AMPH: variants seen among roughly 807,000 people sequenced by gnomAD.
AMPH encodes the protein amphiphysin, also known as amphiphysin (Stiff-Mann syndrome with breast cancer 128kD autoantigen).
In AMPH, 49 loss-of-function variants were observed where a neutral mutation model predicts 99.1. The observed-to-expected ratio is 0.49, with a 90% CI of 0.39 to 0.63. The LOEUF (loss-of-function observed/expected upper bound fraction) is 0.63. Among genes scored for constraint, AMPH ranks in the 20% least tolerant of loss-of-function variants. The pLI, the probability that AMPH is intolerant of heterozygous loss-of-function variation, is 0.00. For missense variants in AMPH, 759 were observed against 863.4 expected (o/e 0.88, Z 1.52); for synonymous variants, 314 against 317.3 (o/e 0.99, Z 0.11).
At chr7:38,492,614 T>G (rs1788763883) in intron 4 of AMPH, among the ~76,000 whole-genome samples, 3 of 152,234 alleles carry the variant, frequency 2.0e-5, no homozygotes. Context: ...AAGGCTCAAC[T>G]GCTGACGTGA....
intron 17 of AMPH, among the ~76,000 whole-genome samples, chr7:38,394,949 A>G (rs1784625783): frequency 1.3e-5 from 2 of 152,200 alleles, no homozygotes; most frequent in Admixed American, 6.5e-5. Flanking sequence ...GAAAAAGCAC[A>G]CGTCACAGAT....
At chr7:38,390,961 CAG>C (rs199667568) in intron 19 of AMPH, among the ~76,000 whole-genome samples, 2,488 of 128,820 alleles carry the variant, frequency 0.019, 22 homozygotes, top group East Asian at 0.066. Flanking sequence ...GAGACAAAGA[CAG>C]AGAGAGAGAG....
intron 1 of AMPH, among the ~76,000 whole-genome samples, chr7:38,581,555 A>T (rs1265129591): frequency 6.6e-6 from 1 of 152,102 alleles, no homozygotes; most frequent in African/African-American, 2.4e-5. Context: ...AGTGACATGA[A>T]AAGTTGCTGA....
intron 16 of AMPH, 137 bp downstream of exon 16, chr7:38,422,284 T>C: frequency 1.4e-6 from 1 of 701,260 alleles, no homozygotes; most frequent in East Asian, 2.7e-5. Context: ...ACACATTCTC[T>C]CCTGTTTTCT....
intron 2 of AMPH, among the ~76,000 whole-genome samples, chr7:38,532,701 C>T (rs1394941095): frequency 1.4e-5 from 2 of 144,728 alleles, no homozygotes; most frequent in Non-Finnish European, 3.0e-5. Context: ...GTACCTTCAA[C>T]AAAAAACAAT....
chr7:38,407,070 ATATATATGTGTGTG>A (rs1303733411), intron 17 of AMPH, among the ~76,000 whole-genome samples: 1 of 30,274 alleles, frequency 3.3e-5, no homozygotes, highest in African/African-American at 1.1e-4. Flanking sequence ...ATATATATAT[ATATATATGTGTGTG>A]TGTGTGTGTG....
intron 1 of AMPH, among the ~76,000 whole-genome samples, chr7:38,557,928 C>T (rs530752951): frequency 2.6e-5 from 4 of 151,634 alleles, no homozygotes; most frequent in Admixed American, 6.6e-5. Flanking sequence ...TGGTGGCACA[C>T]GCTGTGACCC....
At chr7:38,475,814 C>T (rs1011211810) in intron 6 of AMPH, among the ~76,000 whole-genome samples, 4 of 152,068 alleles carry the variant, frequency 2.6e-5, no homozygotes, top group Admixed American at 1.3e-4. Context: ...ATAGAGCATG[C>T]TATATGGAAG....
At chr7:38,462,885 T>TA in intron 10 of AMPH, 90 bp downstream of exon 10, 15 of 1,390,334 alleles carry the variant, frequency 1.1e-5, no homozygotes, top group Non-Finnish European at 1.3e-5. Flanking sequence ...AAACTTCTCT[T>TA]AAAGCCCCGG....
intron 1 of AMPH, among the ~76,000 whole-genome samples, chr7:38,571,372 AT>A (rs1475974094): frequency 1.2e-4 from 9 of 76,460 alleles, no homozygotes; most frequent in African/African-American, 5.6e-4. Context: ...GAATATATAT[AT>A]TTTTATATAT....
chr7:38,444,300 C>T (rs971666648), intron 11 of AMPH, among the ~76,000 whole-genome samples: 4 of 152,086 alleles, frequency 2.6e-5, no homozygotes, highest in Admixed American at 1.3e-4. Context: ...TATTTTCCCC[C>T]ACCCCCCAAA....
chr7:38,610,804 A>C (rs956706259), intron 1 of AMPH, among the ~76,000 whole-genome samples: 1 of 152,218 alleles, frequency 6.6e-6, no homozygotes, highest in Non-Finnish European at 1.5e-5. Flanking sequence ...AAACAAAAAA[A>C]ATCATTTAAT....
chr7:38,420,884 A>G, intron 16 of AMPH: 1 of 449,800 alleles, frequency 2.2e-6, no homozygotes, highest in Admixed American at 2.4e-5. Flanking sequence ...TGGGAGATGT[A>G]CAGCTGATTA....
At position 38,444,874 on chromosome 7, in the gene AMPH, C is replaced by A. The variant is rs185685868; in HGVS notation, c.1018-8486G>T. ...AAAGTTGAAAGACTAACCCTACTGA[C>A]CCTGATTTCAAGATATCATAAAATG... On this transcript the variant is annotated intron_variant, in intron 11 of 20. Transcript: ENST00000356264. Among the ~76,000 whole-genome samples the A allele has an allele frequency of 3.6e-3, 547 of 151,834 alleles. 5 individuals are homozygous for A. Among genetic ancestry groups the A allele is most frequent in the South Asian group, 0.013 (60 of 4,796 alleles).
At chr7:38,613,789 T>G (rs1335407901) in intron 1 of AMPH, among the ~76,000 whole-genome samples, 3 of 139,476 alleles carry the variant, frequency 2.2e-5, no homozygotes, top group Non-Finnish European at 3.1e-5. Context: ...GAGGTTTAGC[T>G]GCAGGAATAA....
chr7:38,610,296 G>A (rs1325290497), intron 1 of AMPH, among the ~76,000 whole-genome samples: 47 of 7,446 alleles, frequency 6.3e-3, no homozygotes, highest in Middle Eastern at 0.056. Flanking sequence ...AAGAAAGAAA[G>A]AAAAGAAAAG....
intron 5 of AMPH, among the ~76,000 whole-genome samples, chr7:38,482,080 A>G (rs1788303778): frequency 6.6e-6 from 1 of 152,180 alleles, no homozygotes; most frequent in Non-Finnish European, 1.5e-5. Context: ...ATTCCAAATT[A>G]TCTCCTTTCC....
intron 2 of AMPH, among the ~76,000 whole-genome samples, chr7:38,512,249 G>C (rs970081081): frequency 6.6e-5 from 10 of 152,296 alleles, no homozygotes; most frequent in Middle Eastern, 3.4e-3. Flanking sequence ...GGCTTACAAG[G>C]TGACTTATAA....
At chr7:38,582,907 A>G (rs538818740) in intron 1 of AMPH, among the ~76,000 whole-genome samples, 90 of 152,344 alleles carry the variant, frequency 5.9e-4, no homozygotes, top group African/African-American at 2.1e-3. Context: ...TCCTTCACTC[A>G]AGCACAATTT....
Sources: gnomAD v4.1 joint callset for allele counts (sites outside exome capture counted in the v4.1 genomes callset) on GRCh38, gnomAD v4.1.1 for gene constraint, MANE v1.5 for transcripts, NCBI Gene and HGNC (gene_info 2026-07-23, HGNC 2026-07-21) for gene names.